The following NR2E1 variants were observed in gnomAD, a reference collection of about 807,000 sequenced individuals.
NR2E1 encodes nuclear receptor TLX.
In NR2E1, 5 loss-of-function variants were observed where a neutral mutation model predicts 43.6. The ratio of observed to expected loss-of-function variants is 0.11; its 90% CI spans 0.06 to 0.24. The LOEUF (loss-of-function observed/expected upper bound fraction) is 0.24. Among genes scored for constraint, NR2E1 ranks in the 10% least tolerant of loss-of-function variants. NR2E1 has a pLI of 1.00. For synonymous variants in NR2E1, 191 were observed against 195.5 expected, an observed-to-expected ratio of 0.98 and a Z score of 0.19; for missense variants, 287 against 496.7, an observed-to-expected ratio of 0.58 and a Z score of 4.01.
intron 3 of NR2E1, among the ~76,000 whole-genome samples, chr6:108,175,622 C>T (rs1773883357): frequency 6.6e-6 from 1 of 152,188 alleles, no homozygotes; most frequent in Admixed American, 6.5e-5. Flanking sequence ...CGAGCTGCGT[C>T]CCCCGCTGCA....
chr6:108,167,906 T>C, intron 1 of NR2E1: 1 of 1,015,662 alleles, frequency 9.8e-7, no homozygotes, highest in South Asian at 1.7e-5. Context: ...TTAAGTGGGA[T>C]GCAATTCCCG....
At chr6:108,167,468 C>T (rs1171821672) in intron 1 of NR2E1, among the ~76,000 whole-genome samples, 2 of 152,172 alleles carry the variant, frequency 1.3e-5, no homozygotes, top group Non-Finnish European at 2.9e-5. Flanking sequence ...ACTTCCTTAG[C>T]TGCCGGCTCT....
chr6:108,172,799 TA>T (rs1409593715), intron 2 of NR2E1, among the ~76,000 whole-genome samples: 2 of 152,262 alleles, frequency 1.3e-5, no homozygotes, highest in African/African-American at 4.8e-5. Context: ...AAACAGAAGA[TA>T]TTTGCATTGA....
At chr6:108,170,594 A>T (rs1773795268) in intron 1 of NR2E1, among the ~76,000 whole-genome samples, 2 of 151,738 alleles carry the variant, frequency 1.3e-5, no homozygotes, top group Non-Finnish European at 2.9e-5. Flanking sequence ...AATCAGTCAG[A>T]TTCTTAATTT....
Position 108,174,857 on chromosome 6 carries a change from A to C in NR2E1, c.193A>C (p.Thr65Pro). Residue 65 changes from threonine (T) to proline (P), a missense_variant, in exon 3 of 9, where the codon ACG becomes CCG. Thr to Pro is a conservative substitution (Grantham distance 38, BLOSUM62 -1). Around this residue, in one of 4 missense-constraint regions of NR2E1, gnomAD observed 46 missense variants for 132.3 expected, o/e 0.35. Coordinates refer to ENST00000368986, the MANE Select transcript of NR2E1 (RefSeq NM_003269.5). ...GNQGGCPVDK[T>P]HRNQCRACRL... ...CCAGGGAGGCTGTCCGGTGGACAAG[A>C]CGCACAGAAACCAGTGCAGGGCGTG... 6.2e-7 allele frequency: 1 copy of C among 1,614,114 alleles called. No individual in the cohort carries two copies. The highest frequency in any genetic ancestry group is 8.5e-7 in the Non-Finnish European group (1 of 1,180,006).
intron 1 of NR2E1, 91 bp from the exon 2 acceptor site, chr6:108,171,367 T>C: frequency 8.7e-7 from 1 of 1,150,186 alleles, no homozygotes; most frequent in African/African-American, 1.5e-5. Flanking sequence ...TTGCTTAGCA[T>C]CTCTCTCTCC....
Position 108,180,469 on chromosome 6 carries a change from T to C in NR2E1, c.739+50T>C. On this transcript the variant is annotated intron_variant, in intron 6 of 8. Transcript: ENST00000368986. This position sits in a 1 kb window ranked among gnomAD's most constrained non-coding sequence, Gnocchi z 5.4. ...TTTGTTGTAGAAATTACCATAAAAA[T>C]ACATTACTGAAAAAAGAACAACATG... is the stretch of plus-strand genomic sequence containing the variant. 1 of 1,238,992 alleles carries C rather than the reference T, an allele frequency of 8.1e-7. No homozygotes were observed. 76.7% of individuals were successfully genotyped at this position (1,238,992 alleles called of 1,614,324 possible). A position where few individuals can be genotyped will look rare whatever the true frequency, so the allele number is the denominator to read the frequency against.
chr6:108,167,902 G>A, intron 1 of NR2E1: 7 of 929,566 alleles, frequency 7.5e-6, no homozygotes, highest in South Asian at 1.8e-5. Flanking sequence ...TCACTTAAGT[G>A]GGATGCAATT....
chr6:108,174,831 T>A lies in NR2E1; in HGVS notation c.172-5T>A. ...GGACCGCTGACCTCCTGCTCTCTGT[T>A]CCAGGGAGGCTGTCCGGTGGACAAG... On this transcript the variant is annotated splice_polypyrimidine_tract_variant and splice_region_variant and intron_variant, in intron 2 of 8. Transcript: ENST00000368986. The A allele has an allele frequency of 6.2e-7, 1 of 1,613,528 alleles. No individual in the cohort carries two copies. The highest frequency in any genetic ancestry group is 8.5e-7 in the Non-Finnish European group (1 of 1,179,620).
rs182020851 is a variant in NR2E1 at position 108,173,112 on chromosome 6, G to A, written c.171+1509G>A. ...TCAGTCCAAGTGCTTGTAAAGGACT[G>A]ATAATAGACTCATCAGGCCTGGTGT... On this transcript the variant is annotated intron_variant, in intron 2 of 8. Transcript: ENST00000368986. Among the ~76,000 whole-genome samples the A allele has an allele frequency of 6.6e-4, 101 of 152,322 alleles. 1 individual carries two copies. In the East Asian group the frequency reaches 8.3e-3, roughly 12 times the overall value.
Position 108,180,235 on chromosome 6 carries a change from T to G in NR2E1, c.643-88T>G. On this transcript the variant is annotated intron_variant, in intron 5 of 8. Coordinates refer to ENST00000368986, the MANE Select transcript of NR2E1 (RefSeq NM_003269.5). The surrounding 1 kb of genome is among the most constrained non-coding windows in gnomAD (Gnocchi z 5.4). Reference sequence around the variant, plus strand: ...ACCAAGACAGGCATTTAAAACACTTTTTAAAATAATGGAAATTTACATAGT... The same window carrying G: ...ACCAAGACAGGCATTTAAAACACTTGTTAAAATAATGGAAATTTACATAGT... 1.1e-6 allele frequency: 1 copy of G among 906,890 alleles called. No individual in the cohort carries two copies. Among genetic ancestry groups the G allele is most frequent in the East Asian group, 2.7e-5 (1 of 37,298 alleles). 56.2% of individuals were successfully genotyped at this position (906,890 alleles called of 1,614,324 possible).
rs1259262682 is a variant in NR2E1, at chr6:108,182,020, G to A, written c.995+369G>A. Among the ~76,000 whole-genome samples, 8 of 152,054 alleles carry A rather than the reference G, an allele frequency of 5.3e-5. No homozygotes were observed. The South Asian group carries it at 8.3e-4, about 16-fold the overall frequency. ...TGGGAGGCCGAGGTGGGTGGATCAC[G>A]AGGTCAGAAGATCGAGACCATCCTG... On this transcript the variant is annotated intron_variant, in intron 8 of 8. Coordinates refer to ENST00000368986, the MANE Select transcript of NR2E1 (RefSeq NM_003269.5).
chr6:108,178,307 A>T, intron 5 of NR2E1, 66 bp downstream of exon 5: 1 of 1,576,766 alleles, frequency 6.3e-7, no homozygotes, highest in Non-Finnish European at 8.7e-7. Context: ...TCAGCCTTAT[A>T]AAACTTCCTC....
chr6:108,180,240 A>G lies in NR2E1; in HGVS notation c.643-83A>G, dbSNP rs2031993511. ...GACAGGCATTTAAAACACTTTTTAA[A>G]ATAATGGAAATTTACATAGTGAAAT... is the stretch of plus-strand genomic sequence containing the variant. On this transcript the variant is annotated intron_variant, in intron 5 of 8. Coordinates refer to ENST00000368986, the MANE Select transcript of NR2E1 (RefSeq NM_003269.5). The surrounding 1 kb of genome is among the most constrained non-coding windows in gnomAD (Gnocchi z 5.4). 1 of 927,678 alleles carries G rather than the reference A, an allele frequency of 1.1e-6. No individual in the cohort carries two copies. Among genetic ancestry groups the G allele is most frequent in the South Asian group, 1.5e-5 (1 of 68,800 alleles). 57.5% of individuals were successfully genotyped at this position (927,678 alleles called of 1,614,324 possible).
intron 1 of NR2E1, chr6:108,168,253 C>A (rs1582439963): frequency 7.3e-7 from 1 of 1,366,726 alleles, no homozygotes; most frequent in East Asian, 2.5e-5. Context: ...GCATTCTGAG[C>A]CTCCGTTGCA....
At chr6:108,167,226 C>T (rs1039930654) in intron 1 of NR2E1, among the ~76,000 whole-genome samples, 1 of 152,084 alleles carries the variant, frequency 6.6e-6, no homozygotes, top group African/African-American at 2.4e-5. Context: ...CTTTGCACCC[C>T]GTTTCTAGCT....
At chr6:108,174,522 G>GC (rs1395397310) in intron 2 of NR2E1, among the ~76,000 whole-genome samples, 3 of 152,074 alleles carry the variant, frequency 2.0e-5, no homozygotes, top group African/African-American at 7.2e-5. Flanking sequence ...CCTAGCGAGA[G>GC]CCCCGCAGGC....
intron 1 of NR2E1, among the ~76,000 whole-genome samples, chr6:108,167,620 G>A (rs1036512693): frequency 6.6e-6 from 1 of 152,128 alleles, no homozygotes; most frequent in Non-Finnish European, 1.5e-5. Context: ...AGCAGGCGCG[G>A]TCACGGTGCT....
chr6:108,183,955 G>A (rs1278371531), intron 8 of NR2E1, among the ~76,000 whole-genome samples: 1 of 152,198 alleles, frequency 6.6e-6, no homozygotes, highest in Admixed American at 6.5e-5. Flanking sequence ...CACTTTGGGA[G>A]TTCAAGGAGG....
Sources: gnomAD v4.1 joint callset for allele counts (sites outside exome capture counted in the v4.1 genomes callset) on GRCh38, gnomAD v4.1.1 for gene constraint, gnomAD v4.1.1 regional missense constraint, Gnocchi (gnomAD v3.1) non-coding constraint, MANE v1.5 for transcripts, NCBI Gene and HGNC (gene_info 2026-07-23, HGNC 2026-07-21) for gene names.